The following ATIC variants were observed in gnomAD, a reference collection of about 807,000 sequenced individuals.
ATIC encodes the protein 5-aminoimidazole-4-carboxamide ribonucleotide formyltransferase/IMP cyclohydrolase, also known as bifunctional purine biosynthesis protein ATIC.
ATIC carries 64 observed loss-of-function variants against 72.5 expected under a neutral mutation model. The ratio of observed to expected loss-of-function variants is 0.88; its 90% confidence interval spans 0.72 to 1.09. The LOEUF (loss-of-function observed/expected upper bound fraction) is 1.09, where lower values mean the gene tolerates loss of function less well. Among genes scored for constraint, ATIC ranks in the 50% least tolerant of loss-of-function variants. The pLI is 0.00. For missense variants in ATIC, 787 were observed against 732.4 expected, an observed-to-expected ratio of 1.07 and a Z score of -0.86; for synonymous variants, 281 against 267.1, an observed-to-expected ratio of 1.05 and a Z score of -0.51.
At chr2:215,358,484 C>A in the ATIC span, among the ~76,000 whole-genome samples, 1 of 152,062 alleles carries the variant, frequency 6.6e-6, no homozygotes, top group African/African-American at 2.4e-5. Flanking sequence ...CAGGAGTAAA[C>A]AAACTGTTTA....
intron 14 of ATIC, 126 bp from the exon 15 acceptor site, chr2:215,348,968 A>T (rs1052010168): frequency 2.2e-5 from 16 of 729,126 alleles, no homozygotes; most frequent in African/African-American, 1.9e-4. Flanking sequence ...AAAAAAAAAA[A>T]TAATAATAAT....
At chr2:215,368,448 C>G in the ATIC span, among the ~76,000 whole-genome samples, 1 of 151,980 alleles carries the variant, frequency 6.6e-6, no homozygotes, top group Admixed American at 6.6e-5. Flanking sequence ...GCAATACTAG[C>G]GTAATAATAA....
chr2:215,350,961 G>C (rs2053126303), downstream of ATIC, among the ~76,000 whole-genome samples: 1 of 152,168 alleles, frequency 6.6e-6, no homozygotes, highest in South Asian at 2.1e-4. Context: ...TTCTGGTTAA[G>C]CTAATCTTCC....
downstream of ATIC, among the ~76,000 whole-genome samples, chr2:215,354,069 C>T (rs2106056702): frequency 6.6e-6 from 1 of 152,166 alleles, no homozygotes; most frequent in East Asian, 1.9e-4. Flanking sequence ...TTGCCGATGC[C>T]CAGGCTGGAG....
chr2:215,357,694 A>G, the ATIC span, among the ~76,000 whole-genome samples: 2 of 116,492 alleles, frequency 1.7e-5, no homozygotes, highest in Admixed American at 1.9e-4. Flanking sequence ...GAGGATATGG[A>G]GTGAGACGAT....
chr2:215,330,735 G>A (rs2052883391), intron 7 of ATIC, among the ~76,000 whole-genome samples: 1 of 148,208 alleles, frequency 6.7e-6, no homozygotes, highest in Non-Finnish European at 1.5e-5. Flanking sequence ...TTGGAATGGA[G>A]TCTTGCTATG....
intron 11 of ATIC, among the ~76,000 whole-genome samples, chr2:215,337,804 T>G (rs2052973072): frequency 6.6e-6 from 1 of 152,186 alleles, no homozygotes; most frequent in African/African-American, 2.4e-5. Flanking sequence ...CTTTAACACC[T>G]GATAGTTGGA....
chr2:215,347,997 G>A (rs951035977), intron 14 of ATIC, among the ~76,000 whole-genome samples: 43 of 152,122 alleles, frequency 2.8e-4, no homozygotes, highest in African/African-American at 1.0e-3. Context: ...TTCCCAGATG[G>A]CACAGCCCTC....
At chr2:215,361,679 A>C in the ATIC span, 4 of 1,368,494 alleles carry the variant, frequency 2.9e-6, no homozygotes, top group Non-Finnish European at 4.2e-6. Flanking sequence ...TGTAAAGTGT[A>C]CAGAAAAAAA....
At position 215,316,614 on chromosome 2, in the gene ATIC, G is replaced by A. The variant is rs554826780; in HGVS notation, c.147-1543G>A. 2.0e-5 allele frequency among the ~76,000 whole-genome samples: 3 copies of A among 152,130 alleles called. No homozygotes were observed. The South Asian group carries it at 6.2e-4, about 32-fold the overall frequency. Reference sequence around the variant, plus strand: ...TTGATTGTAGAAAATTCGAAAATATGGACAACTATAAAGAAGGTAGTAAAA... The same window carrying A: ...TTGATTGTAGAAAATTCGAAAATATAGACAACTATAAAGAAGGTAGTAAAA... On this transcript the variant is annotated intron_variant, in intron 2 of 15. Coordinates refer to ENST00000236959, the MANE Select transcript of ATIC (RefSeq NM_004044.7).
At chr2:215,332,637 C>T in intron 8 of ATIC, 130 bp downstream of exon 8, 1 of 1,180,048 alleles carries the variant, frequency 8.5e-7, no homozygotes, top group Non-Finnish European at 1.2e-6. Context: ...CTGTTGATAA[C>T]AGTATCAATG....
intron 4 of ATIC, 124 bp from the exon 5 acceptor site, chr2:215,325,117 T>C (rs1200156956): frequency 1.3e-6 from 1 of 743,496 alleles, no homozygotes; most frequent in African/African-American, 1.7e-5. Context: ...AGGCTCACAG[T>C]TTATATATTA....
chr2:215,316,568 C>G (rs187226428), intron 2 of ATIC, among the ~76,000 whole-genome samples: 47 of 152,058 alleles, frequency 3.1e-4, no homozygotes, highest in Non-Finnish European at 5.4e-4. Context: ...TAGTGAGATC[C>G]CATCTCAAAA....
intron 4 of ATIC, among the ~76,000 whole-genome samples, chr2:215,321,452 A>G (rs2052766052): frequency 6.6e-6 from 1 of 152,162 alleles, no homozygotes; most frequent in African/African-American, 2.4e-5. Context: ...TTTGTGTATA[A>G]GTTTTTGTGT....
At chr2:215,334,189 CTTTT>C (rs551274501) in intron 9 of ATIC, among the ~76,000 whole-genome samples, 134 of 100,972 alleles carry the variant, frequency 1.3e-3, no homozygotes, top group East Asian at 3.0e-3. Context: ...AAAAGCTATT[CTTTT>C]TTTTTTTTTT....
At chr2:215,339,872 G>A (rs906622465) in intron 12 of ATIC, among the ~76,000 whole-genome samples, 8 of 152,192 alleles carry the variant, frequency 5.3e-5, no homozygotes, top group East Asian at 3.9e-4. Context: ...TCCTAACCTC[G>A]TGATCTGCCC....
At chr2:215,331,762 G>A (rs1376362880) in intron 7 of ATIC, among the ~76,000 whole-genome samples, 1 of 151,924 alleles carries the variant, frequency 6.6e-6, no homozygotes, top group Admixed American at 6.6e-5. Context: ...AGAGATACTA[G>A]CTCCTAAAAA....
At chr2:215,330,374 T>A (rs1177722787) in intron 7 of ATIC, among the ~76,000 whole-genome samples, 1 of 152,166 alleles carries the variant, frequency 6.6e-6, no homozygotes, top group Non-Finnish European at 1.5e-5. Flanking sequence ...TTTAGAGTAG[T>A]TACAGGTTTA....
At chr2:215,333,086 A>G (rs1348751224) in intron 8 of ATIC, among the ~76,000 whole-genome samples, 1 of 152,142 alleles carries the variant, frequency 6.6e-6, no homozygotes, top group Non-Finnish European at 1.5e-5. Flanking sequence ...AATGAAGTAA[A>G]CGAGCTTCAC....
Sources: allele counts gnomAD v4.1 joint callset (sites outside exome capture counted in the v4.1 genomes callset), GRCh38; gene constraint gnomAD v4.1.1; transcripts MANE v1.5; gene names NCBI Gene and HGNC (gene_info 2026-07-23, HGNC 2026-07-21).